EPHB2: variants seen among roughly 807,000 people sequenced by gnomAD.
EPHB2 encodes the protein ephrin type-B receptor 2.
Under a neutral mutation model 96.4 loss-of-function variants are expected in EPHB2, and 18 were observed. The ratio of observed to expected loss-of-function variants is 0.19; its 90% CI spans 0.13 to 0.28. The LOEUF (loss-of-function observed/expected upper bound fraction) is 0.28, where lower values mean the gene tolerates loss of function less well. EPHB2 is among the 10% of genes least tolerant of loss of function. The pLI, the probability that EPHB2 is intolerant of heterozygous loss-of-function variation, is 1.00. For synonymous variants in EPHB2, 506 were observed against 534.1 expected (o/e 0.95, Z 0.72); for missense variants, 989 against 1,355.4 (o/e 0.73, Z 4.25).
chr1:22,742,729 C>T (rs1643919186), intron 1 of EPHB2, among the ~76,000 whole-genome samples: 2 of 151,368 alleles, frequency 1.3e-5, no homozygotes, highest in Admixed American at 1.3e-4. Flanking sequence ...TCTCAAACTC[C>T]TGACCTCAAG....
At chr1:22,865,694 G>T (rs1638449493) in intron 5 of EPHB2, among the ~76,000 whole-genome samples, 1 of 152,214 alleles carries the variant, frequency 6.6e-6, no homozygotes. Context: ...TTGAAGCAAG[G>T]TAGGTAGAGG....
At chr1:22,799,285 G>A (rs1287928921) in intron 3 of EPHB2, among the ~76,000 whole-genome samples, 1 of 152,060 alleles carries the variant, frequency 6.6e-6, no homozygotes, top group Non-Finnish European at 1.5e-5. Context: ...TGTGACATGA[G>A]GATAAGGACC....
chr1:22,784,988 T>C lies in EPHB2; in HGVS notation c.723T>C (p.Cys241=). ...TGGATGTACCCATCAAGCTCTACTG[T>C]AACGGGGACGGCGAGTGGCTGGTGC... ...EEVDVPIKLY[C]NGDGEWLVPI... The change falls in exon 3 of 16, where the codon TGT becomes TGC. Residue 241 remains cysteine (C), a synonymous_variant. Coordinates refer to ENST00000374630, the MANE Select transcript of EPHB2 (RefSeq NM_017449.5). The surrounding 1 kb of genome is among the most constrained non-coding windows in gnomAD (Gnocchi z 5.1). 2 of 1,614,042 alleles carry C rather than the reference T, an allele frequency of 1.2e-6. No homozygotes were observed. The highest frequency in any genetic ancestry group is 1.7e-6 in the Non-Finnish European group (2 of 1,180,048).
intron 5 of EPHB2, among the ~76,000 whole-genome samples, chr1:22,865,584 C>T (rs565158683): frequency 4.6e-5 from 7 of 152,306 alleles, no homozygotes; most frequent in South Asian, 2.1e-4. Flanking sequence ...AGGTTATTTC[C>T]GTGTCATTTC....
chr1:22,741,605 G>C (rs1643903188), intron 1 of EPHB2, among the ~76,000 whole-genome samples: 1 of 149,374 alleles, frequency 6.7e-6, no homozygotes, highest in African/African-American at 2.4e-5. Flanking sequence ...CTCCTGTTCG[G>C]AGGTTTGGAA....
intron 1 of EPHB2, among the ~76,000 whole-genome samples, chr1:22,715,072 A>T (rs979612365): frequency 6.6e-6 from 1 of 152,122 alleles, no homozygotes; most frequent in Non-Finnish European, 1.5e-5. Context: ...GTGCCCAGCC[A>T]TGCGGGTGCT....
intron 3 of EPHB2, among the ~76,000 whole-genome samples, chr1:22,856,149 G>A (rs1645694856): frequency 6.6e-6 from 1 of 152,184 alleles, no homozygotes; most frequent in South Asian, 2.1e-4. Context: ...CAGAGTCCCT[G>A]GGAGGAGAGG....
intron 3 of EPHB2, among the ~76,000 whole-genome samples, chr1:22,796,580 A>AG (rs1380608700): frequency 6.6e-6 from 1 of 152,158 alleles, no homozygotes; most frequent in Non-Finnish European, 1.5e-5. Context: ...CCCCAAACAA[A>AG]GGGGGCCAAG....
chr1:22,735,208 C>A (rs1643800714), intron 1 of EPHB2, among the ~76,000 whole-genome samples: 1 of 151,920 alleles, frequency 6.6e-6, no homozygotes, highest in Non-Finnish European at 1.5e-5. Flanking sequence ...GAGGGTGAGG[C>A]AGGAGGATTG....
chr1:22,883,088 C>T (rs1182904293), intron 6 of EPHB2, among the ~76,000 whole-genome samples: 2 of 152,236 alleles, frequency 1.3e-5, no homozygotes, highest in Admixed American at 6.5e-5. Context: ...AATCCCAGCT[C>T]CGTCCTTCAC....
At chr1:22,812,308 G>A (rs1015743697) in intron 3 of EPHB2, among the ~76,000 whole-genome samples, 2 of 152,268 alleles carry the variant, frequency 1.3e-5, no homozygotes, top group African/African-American at 2.4e-5. Flanking sequence ...GGAGGCTGGC[G>A]CACCTTGGGC....
intron 3 of EPHB2, among the ~76,000 whole-genome samples, chr1:22,833,243 T>C (rs1366581332): frequency 2.0e-5 from 3 of 152,114 alleles, no homozygotes; most frequent in African/African-American, 7.2e-5. Context: ...TTCAGCCTCC[T>C]GAGTAGCTAG....
intron 5 of EPHB2, among the ~76,000 whole-genome samples, chr1:22,865,454 AAAGATCCAAC>A: frequency 6.6e-6 from 1 of 152,342 alleles, no homozygotes; most frequent in Middle Eastern, 3.4e-3. Flanking sequence ...GCTGTAACAA[AAAGATCCAAC>A]ATTAGGTGAC....
intron 1 of EPHB2, among the ~76,000 whole-genome samples, chr1:22,763,531 C>T (rs1644264429): frequency 6.6e-6 from 1 of 151,988 alleles, no homozygotes; most frequent in Non-Finnish European, 1.5e-5. Flanking sequence ...GTGGCCAGGC[C>T]CTCCCCCCCA....
In EPHB2 at chr1:22,909,212, C is replaced by T. The variant is rs1277031592; in HGVS notation, c.2502+41C>T. ...GATAGGCAAGGCCTCTCTGGCCCACCAGATGGGAGAGGGAAGATCGGGGCT... is the reference window on the plus strand; with the variant it reads ...GATAGGCAAGGCCTCTCTGGCCCACTAGATGGGAGAGGGAAGATCGGGGCT... On this transcript the variant is annotated intron_variant, in intron 13 of 15. Transcript: ENST00000374630. The T allele has an allele frequency of 6.8e-6, 11 of 1,613,786 alleles. No individual in the cohort carries two copies. The Admixed American group carries it at 1.8e-4, about 27-fold the overall frequency.
chr1:22,756,588 G>C lies in EPHB2; in HGVS notation c.62-24833G>C, dbSNP rs575757968. 8.4e-3 allele frequency among the ~76,000 whole-genome samples: 1,272 copies of C among 152,264 alleles called. 13 individuals are homozygous for C. The highest frequency in any genetic ancestry group is 0.012 in the Non-Finnish European group (818 of 67,994). On this transcript the variant is annotated intron_variant, in intron 1 of 15. Coordinates refer to ENST00000374630, the MANE Select transcript of EPHB2 (RefSeq NM_017449.5). ...TTATGAGGTGTGGGGGAAGTGGCGGGGGCAGCGGGCGTGTGAGGCAGCCCT... is the reference window on the plus strand; with the variant it reads ...TTATGAGGTGTGGGGGAAGTGGCGGCGGCAGCGGGCGTGTGAGGCAGCCCT...
At chr1:22,901,956 G>C (rs891744495) in intron 9 of EPHB2, among the ~76,000 whole-genome samples, 1 of 152,124 alleles carries the variant, frequency 6.6e-6, no homozygotes, top group Non-Finnish European at 1.5e-5. Flanking sequence ...CTCCCAGGTA[G>C]CTGGGATCAC....
At chr1:22,768,712 C>G (rs892500409) in intron 1 of EPHB2, among the ~76,000 whole-genome samples, 6 of 151,714 alleles carry the variant, frequency 4.0e-5, no homozygotes, top group African/African-American at 9.7e-5. Context: ...AAAAAGAAGA[C>G]TCTTTGTGGT....
chr1:22,734,546 C>T (rs928822442), intron 1 of EPHB2, among the ~76,000 whole-genome samples: 3 of 151,850 alleles, frequency 2.0e-5, no homozygotes, highest in Admixed American at 6.6e-5. Flanking sequence ...CTCAGCCTCC[C>T]GAATAGCTGG....
Sources: gnomAD v4.1 joint callset for allele counts (sites outside exome capture counted in the v4.1 genomes callset) on GRCh38, gnomAD v4.1.1 for gene constraint, Gnocchi (gnomAD v3.1) non-coding constraint, MANE v1.5 for transcripts, NCBI Gene and HGNC (gene_info 2026-07-23, HGNC 2026-07-21) for gene names.